The following ELAVL2 variants were observed in gnomAD, a reference collection of about 807,000 sequenced individuals.
ELAVL2 encodes ELAV-like protein 2.
ELAVL2 carries 4 observed loss-of-function variants against 34.6 expected under a neutral mutation model. The ratio of observed to expected loss-of-function variants is 0.12; its 90% confidence interval spans 0.06 to 0.26. ELAVL2 has a LOEUF of 0.26. Ranked by LOEUF, ELAVL2 falls within the 10% of genes least tolerant of loss-of-function variation. ELAVL2 has a pLI of 1.00. For synonymous variants in ELAVL2, 193 were observed against 154.8 expected (o/e 1.25, Z -1.83); for missense variants, 432 against 442.8 (o/e 0.98, Z 0.22).
At chr9:23,739,797 GCA>G (rs1478534759) in intron 2 of ELAVL2, among the ~76,000 whole-genome samples, 1 of 144,414 alleles carries the variant, frequency 6.9e-6, no homozygotes, top group South Asian at 2.3e-4. Context: ...ACACACACAC[GCA>G]CACACCCCCC....
Position 23,823,810 on chromosome 9 carries a change from C to A in ELAVL2, c.-16+1996G>T, listed in dbSNP as rs562143582. 3.7e-3 allele frequency among the ~76,000 whole-genome samples: 558 copies of A among 152,294 alleles called. 1 individual carries two copies. The highest frequency in any genetic ancestry group is 6.5e-3 in the Non-Finnish European group (443 of 68,020). On this transcript the variant is annotated intron_variant, in intron 1 of 6. Transcript: ENST00000397312. ...TGATTTTCAATTTGGAAAATAATTT[C>A]TTTAGTTACTATTGTCTGCTGTGTA...
chr9:23,724,032 A>T (rs2044432889), intron 3 of ELAVL2, among the ~76,000 whole-genome samples: 2 of 152,202 alleles, frequency 1.3e-5, no homozygotes, highest in African/African-American at 4.8e-5. Context: ...GACATTCTCC[A>T]TGCTGGTTAC....
At chr9:23,806,054 A>C (rs1252286834) in intron 1 of ELAVL2, among the ~76,000 whole-genome samples, 1 of 151,958 alleles carries the variant, frequency 6.6e-6, no homozygotes, top group Non-Finnish European at 1.5e-5. Context: ...ATGGATGAAA[A>C]GAAATAGCAC....
At chr9:23,720,748 T>G (rs1042966696) in intron 3 of ELAVL2, among the ~76,000 whole-genome samples, 1 of 152,170 alleles carries the variant, frequency 6.6e-6, no homozygotes, top group African/African-American at 2.4e-5. Context: ...AGACTTGTTT[T>G]AAAATAAGCA....
chr9:23,733,247 T>C (rs904576834), intron 2 of ELAVL2, among the ~76,000 whole-genome samples: 1 of 151,048 alleles, frequency 6.6e-6, no homozygotes, highest in African/African-American at 2.4e-5. Context: ...GATAGATATA[T>C]ATACATATAT....
At chr9:23,788,464 T>G (rs1274175363) in intron 1 of ELAVL2, among the ~76,000 whole-genome samples, 1 of 152,160 alleles carries the variant, frequency 6.6e-6, no homozygotes, top group African/African-American at 2.4e-5. Context: ...ACCCCTACCA[T>G]GTTTTTTCCT....
chr9:23,800,271 G>T (rs532767781), intron 1 of ELAVL2, among the ~76,000 whole-genome samples: 3 of 152,190 alleles, frequency 2.0e-5, no homozygotes, highest in Non-Finnish European at 4.4e-5. Flanking sequence ...AACTGGAGGT[G>T]TAACAATCAA....
At chr9:23,721,899 T>C (rs1219713955) in intron 3 of ELAVL2, among the ~76,000 whole-genome samples, 1 of 152,232 alleles carries the variant, frequency 6.6e-6, no homozygotes, top group Non-Finnish European at 1.5e-5. Flanking sequence ...ATGTTATCAG[T>C]AAGGCTTCTA....
intron 1 of ELAVL2, among the ~76,000 whole-genome samples, chr9:23,798,547 C>T (rs1024535089): frequency 2.6e-5 from 4 of 152,164 alleles, no homozygotes; most frequent in Non-Finnish European, 5.9e-5. Context: ...GAGAAGCAGC[C>T]TTCAAATTAT....
intron 2 of ELAVL2, among the ~76,000 whole-genome samples, chr9:23,738,531 T>C (rs568230683): frequency 3.0e-4 from 46 of 152,202 alleles, no homozygotes; most frequent in Non-Finnish European, 5.9e-4. Context: ...CCAAAGGACA[T>C]TACCAGGGAT....
intron 2 of ELAVL2, among the ~76,000 whole-genome samples, chr9:23,737,099 C>G (rs756767343): frequency 4.6e-5 from 7 of 152,164 alleles, no homozygotes; most frequent in African/African-American, 2.4e-5. Context: ...TTATGTGTGT[C>G]TGGGGTCCAT....
At chr9:23,764,440 C>T (rs2055767830) in intron 1 of ELAVL2, among the ~76,000 whole-genome samples, 1 of 152,124 alleles carries the variant, frequency 6.6e-6, no homozygotes, top group Non-Finnish European at 1.5e-5. Flanking sequence ...AAAATTACAG[C>T]ATCTCTCTGC....
At chr9:23,836,901 T>C in the ELAVL2 span, among the ~76,000 whole-genome samples, 4 of 152,172 alleles carry the variant, frequency 2.6e-5, no homozygotes, top group African/African-American at 9.7e-5. Context: ...TTGACAACTG[T>C]GAATTTTAGA....
intron 1 of ELAVL2, among the ~76,000 whole-genome samples, chr9:23,795,688 A>G (rs989685147): frequency 3.9e-5 from 6 of 152,242 alleles, no homozygotes; most frequent in African/African-American, 1.2e-4. Flanking sequence ...AGAAATTTTA[A>G]GTTGCCACTA....
chr9:23,800,643 G>C (rs2061465964), intron 1 of ELAVL2, among the ~76,000 whole-genome samples: 1 of 152,064 alleles, frequency 6.6e-6, no homozygotes, highest in Non-Finnish European at 1.5e-5. Flanking sequence ...TTGGTTTTGG[G>C]GAGTAGAGAA....
intron 1 of ELAVL2, among the ~76,000 whole-genome samples, chr9:23,811,222 A>T (rs2062942248): frequency 6.6e-6 from 1 of 152,150 alleles, no homozygotes; most frequent in Non-Finnish European, 1.5e-5. Flanking sequence ...AGTCCAAGAA[A>T]CAAGAACACA....
intron 2 of ELAVL2, among the ~76,000 whole-genome samples, chr9:23,739,613 T>C (rs974588767): frequency 6.9e-6 from 1 of 144,606 alleles, no homozygotes; most frequent in East Asian, 2.3e-4. Context: ...TAAAAGACAA[T>C]GGAGTTGTTC....
At chr9:23,805,251 T>C (rs1039444199) in intron 1 of ELAVL2, among the ~76,000 whole-genome samples, 3 of 152,200 alleles carry the variant, frequency 2.0e-5, no homozygotes, top group Admixed American at 6.5e-5. Flanking sequence ...GCTAAATGGC[T>C]ATAACAAGTA....
rs143385085 is a variant in ELAVL2 at position 23,785,093 on chromosome 9, C to G, written c.-15-22844G>C. Among the ~76,000 whole-genome samples, 34 of 152,242 alleles carry G rather than the reference C, an allele frequency of 2.2e-4. 1 individual carries two copies. The highest frequency in any genetic ancestry group is 8.2e-4 in the African/African-American group (34 of 41,530). On this transcript the variant is annotated intron_variant, in intron 1 of 6. Transcript: ENST00000397312. ...TCTTAAATGCCTTTCCTTGGCAAAA[C>G]AGAGTTGACAAACCTATTATTCCCC...
Sources: allele counts gnomAD v4.1 joint callset (sites outside exome capture counted in the v4.1 genomes callset), GRCh38; gene constraint gnomAD v4.1.1; transcripts MANE v1.5; gene names NCBI Gene and HGNC (gene_info 2026-07-23, HGNC 2026-07-21).